TAB3: variants seen among roughly 807,000 people sequenced by gnomAD.
TAB3 encodes TGF-beta activated kinase 1 (MAP3K7) binding protein 3, also known as TGF-beta-activated kinase 1 and MAP3K7-binding protein 3.
A neutral mutation model predicts 48.1 loss-of-function variants in TAB3; 18 were observed. The ratio of observed to expected loss-of-function variants is 0.37; its 90% CI spans 0.26 to 0.55. The LOEUF is 0.55. Ranked by LOEUF, TAB3 falls within the 20% of genes least tolerant of loss-of-function variation. The pLI, the probability that TAB3 is intolerant of heterozygous loss-of-function variation, is 0.78. For synonymous variants in TAB3, 185 were observed against 190.2 expected (o/e 0.97, Z 0.22); for missense variants, 414 against 549.8 (o/e 0.75, Z 2.47).
chrX:30,845,922 C>T (rs1344368799), intron 8 of TAB3: 1 of 929,073 alleles, frequency 1.1e-6, no homozygotes, highest in Non-Finnish European at 1.4e-6. Flanking sequence ...GAGCAATATT[C>T]ATGGGCCTAC....
intron 4 of TAB3, among the ~76,000 whole-genome samples, chrX:30,859,940 AAAAC>A (rs1939206109): frequency 9.1e-6 from 1 of 110,402 alleles, no homozygotes; most frequent in Non-Finnish European, 1.9e-5. Context: ...AAAAAAACAA[AAAAC>A]AAAAACCTGA....
chrX:30,851,574 A>G (rs766661091), intron 7 of TAB3, among the ~76,000 whole-genome samples: 5 of 112,133 alleles, frequency 4.5e-5, no homozygotes, highest in African/African-American at 1.3e-4. Context: ...CACTTCCCAT[A>G]TTAAACACAC....
At chrX:30,833,986 A>T in intron 10 of TAB3, 65 bp downstream of exon 10, 2 of 1,029,169 alleles carry the variant, frequency 1.9e-6, no homozygotes, top group Middle Eastern at 5.0e-4. Flanking sequence ...TTTACTTATA[A>T]TTCTACATGG....
intron 8 of TAB3, 107 bp from the exon 9 acceptor site, chrX:30,843,156 T>A: frequency 4.4e-6 from 2 of 454,236 alleles, no homozygotes; most frequent in Non-Finnish European, 7.3e-6. Context: ...GGGAAAAATG[T>A]TTTCCAGGAT....
In TAB3 at chrX:30,862,472, G is replaced by A. The variant is rs550287704; in HGVS notation, c.-90-2794C>T. On this transcript the variant is annotated intron_variant, in intron 4 of 10. Coordinates refer to ENST00000288422, the MANE Select transcript of TAB3 (RefSeq NM_152787.5). ...TTTTATGAGCTAGAAGAAAAGGCAA[G>A]AAGAATCAAAACACGGACAGACAGG... is the stretch of plus-strand genomic sequence containing the variant. 3.5e-4 allele frequency among the ~76,000 whole-genome samples: 39 copies of A among 111,677 alleles called. No homozygotes were observed. The Middle Eastern group carries it at 0.023, about 65-fold the overall frequency.
intron 4 of TAB3, among the ~76,000 whole-genome samples, chrX:30,860,958 AAAT>A (rs1002293293): frequency 1.8e-5 from 2 of 112,174 alleles, no homozygotes; most frequent in African/African-American, 3.2e-5. Flanking sequence ...GTTCAGAAAA[AAAT>A]ATATGTACAT....
chrX:30,875,988 TAAGA>T (rs1389165895), intron 1 of TAB3, among the ~76,000 whole-genome samples: 1 of 111,971 alleles, frequency 8.9e-6, no homozygotes, highest in East Asian at 2.8e-4. Flanking sequence ...GGTCAAAATA[TAAGA>T]AATGCCTTTC....
intron 4 of TAB3, among the ~76,000 whole-genome samples, chrX:30,864,503 C>CT (rs1939342379): frequency 1.8e-5 from 2 of 111,168 alleles, no homozygotes; most frequent in African/African-American, 6.5e-5. Context: ...GCTAGGATGT[C>CT]TCCCAACAGA....
intron 8 of TAB3, chrX:30,845,788 TAGAA>T: frequency 9.4e-6 from 2 of 212,572 alleles, no homozygotes; most frequent in Non-Finnish European, 1.6e-5. Flanking sequence ...TTGGCTTTCA[TAGAA>T]AGAGCGGCTT....
Position 30,846,244 on chromosome X carries a change from C to T in TAB3, c.1804+307G>A, listed in dbSNP as rs764381892. ...TGTCTATCACATAATATGAACTCTACTAAGTTTTAGAATTAAAACCCATCA... is the reference window on the plus strand; with the variant it reads ...TGTCTATCACATAATATGAACTCTATTAAGTTTTAGAATTAAAACCCATCA... On this transcript the variant is annotated intron_variant, in intron 8 of 10. Transcript: ENST00000288422. The T allele has an allele frequency of 9.8e-5, 32 of 326,037 alleles. 1 individual carries two copies. The South Asian group carries it at 2.0e-3, about 20-fold the overall frequency. The allele number at this position is 326,037 out of a possible 1,213,427, so 26.9% of individuals were successfully genotyped here.
chrX:30,864,862 T>C (rs971594898), intron 4 of TAB3, among the ~76,000 whole-genome samples: 1 of 110,901 alleles, frequency 9.0e-6, no homozygotes, highest in Non-Finnish European at 1.9e-5. Flanking sequence ...AAAATGTACA[T>C]ATCTAGCTTT....
chrX:30,844,057 G>C (rs1213278004), intron 8 of TAB3: 1 of 108,336 alleles, frequency 9.2e-6, no homozygotes, highest in Non-Finnish European at 1.9e-5. Flanking sequence ...GCACTGATTT[G>C]CATCTATTCT....
chrX:30,867,769 T>C (rs1184577725), intron 2 of TAB3, among the ~76,000 whole-genome samples: 1 of 111,023 alleles, frequency 9.0e-6, no homozygotes, highest in Non-Finnish European at 1.9e-5. Flanking sequence ...TTCTACATTA[T>C]CCCACAGAAG....
intron 1 of TAB3, among the ~76,000 whole-genome samples, chrX:30,879,681 G>T (rs2147410037): frequency 9.0e-6 from 1 of 110,806 alleles, no homozygotes; most frequent in South Asian, 3.8e-4. Flanking sequence ...TTCAAGAAAG[G>T]AAAAAAGACA....
intron 9 of TAB3, among the ~76,000 whole-genome samples, chrX:30,841,525 TAA>T (rs367789627): frequency 2.2e-4 from 22 of 102,033 alleles, no homozygotes; most frequent in South Asian, 8.7e-4. Context: ...AACTTATAAA[TAA>T]AAAAAAAAAC....
intron 1 of TAB3, among the ~76,000 whole-genome samples, chrX:30,887,341 C>G (rs922051689): frequency 2.7e-5 from 3 of 111,736 alleles, no homozygotes; most frequent in Admixed American, 9.5e-5. Context: ...AATGTTACCT[C>G]TGGCTAGAAA....
intron 4 of TAB3, 139 bp downstream of exon 4, chrX:30,866,976 T>C (rs779531201): frequency 9.0e-6 from 1 of 110,924 alleles, no homozygotes; most frequent in Non-Finnish European, 1.9e-5. Context: ...GTTGATAGTA[T>C]GGACTGTTTG....
intron 4 of TAB3, among the ~76,000 whole-genome samples, chrX:30,863,414 T>C (rs1354553253): frequency 1.8e-5 from 2 of 112,292 alleles, no homozygotes; most frequent in African/African-American, 6.5e-5. Flanking sequence ...GTTTGGATGT[T>C]TGTCCCCTCC....
intron 5 of TAB3, among the ~76,000 whole-genome samples, chrX:30,856,743 G>C (rs970238423): frequency 8.9e-6 from 1 of 111,878 alleles, no homozygotes; most frequent in Admixed American, 9.5e-5. Context: ...CCATAATGTT[G>C]TAATTTTAGA....
Sources: allele counts gnomAD v4.1 joint callset (sites outside exome capture counted in the v4.1 genomes callset), GRCh38; gene constraint gnomAD v4.1.1; transcripts MANE v1.5; gene names NCBI Gene and HGNC (gene_info 2026-07-23, HGNC 2026-07-21).